The following COX10 variants were observed in gnomAD, a reference collection of about 807,000 sequenced individuals.
COX10 encodes the protein cytochrome c oxidase assembly factor heme A:farnesyltransferase COX10.
In COX10, 27 loss-of-function variants were observed where a neutral mutation model predicts 37.3. That is an observed-to-expected ratio of 0.72 (90% CI 0.53 to 1.00). The LOEUF (loss-of-function observed/expected upper bound fraction) is 1.00, where lower values mean the gene tolerates loss of function less well. Among genes scored for constraint, COX10 ranks in the 50% least tolerant of loss-of-function variants. The pLI is 0.00. For missense variants in COX10, 475 were observed against 563.2 expected (o/e 0.84, Z 1.59); for synonymous variants, 222 against 229.1 (o/e 0.97, Z 0.28).
In COX10 at chr17:14,069,781, A is replaced by G. The variant is rs1597488397; in HGVS notation, c.43+133A>G. The G allele has an allele frequency of 2.9e-6, 3 of 1,052,482 alleles. No individual in the cohort carries two copies. In the South Asian group the frequency reaches 4.0e-5, roughly 14 times the overall value. 65.2% of individuals were successfully genotyped at this position (1,052,482 alleles called of 1,614,324 possible). A position where few individuals can be genotyped will look rare whatever the true frequency, so the allele number is the denominator to read the frequency against. ...TGGCCGGCCACCGGTGTGGTGGGGG[A>G]AATGACCTCTGGAGTAGCTTGGAGT... On this transcript the variant is annotated intron_variant, in intron 1 of 6. Transcript: ENST00000261643.
At chr17:14,090,033 C>T (rs945684389) in intron 3 of COX10, among the ~76,000 whole-genome samples, 3 of 151,946 alleles carry the variant, frequency 2.0e-5, no homozygotes, top group Non-Finnish European at 4.4e-5. Flanking sequence ...TGCTTCTTCT[C>T]TCCTCTGCCT....
At chr17:14,194,328 T>A (rs1906299407) in intron 6 of COX10, among the ~76,000 whole-genome samples, 1 of 152,188 alleles carries the variant, frequency 6.6e-6, no homozygotes, top group African/African-American at 2.4e-5. Flanking sequence ...GAAAAAGAGC[T>A]TTTCAAAAGT....
intron 4 of COX10, among the ~76,000 whole-genome samples, chr17:14,107,464 C>T (rs537424477): frequency 9.2e-5 from 14 of 152,178 alleles, no homozygotes; most frequent in Non-Finnish European, 1.5e-4. Flanking sequence ...TTCAATCTTT[C>T]ACTGTAAATG....
At chr17:14,070,208 A>G (rs535613731) in intron 1 of COX10, among the ~76,000 whole-genome samples, 1 of 152,298 alleles carries the variant, frequency 6.6e-6, no homozygotes, top group African/African-American at 2.4e-5. Flanking sequence ...TGGAGCTGGA[A>G]TGTTCTTCCT....
chr17:14,109,515 T>C (rs964408856), intron 4 of COX10, among the ~76,000 whole-genome samples: 1 of 152,216 alleles, frequency 6.6e-6, no homozygotes, highest in Non-Finnish European at 1.5e-5. Context: ...TGGTCATTAT[T>C]CGCTTCTTAA....
At chr17:14,162,755 T>C (rs1905195783) in intron 5 of COX10, among the ~76,000 whole-genome samples, 1 of 152,186 alleles carries the variant, frequency 6.6e-6, no homozygotes, top group African/African-American at 2.4e-5. Flanking sequence ...TTTGAAGATT[T>C]GGAGGACTTT....
At chr17:14,128,304 T>C (rs1364775343) in intron 4 of COX10, among the ~76,000 whole-genome samples, 4 of 152,124 alleles carry the variant, frequency 2.6e-5, no homozygotes, top group African/African-American at 4.8e-5. Flanking sequence ...TTTTAGTTTG[T>C]CGTATACTTA....
rs1904913569 is a variant in COX10 at position 14,151,951 on chromosome 17, A to G, written c.625-7926A>G. Among the ~76,000 whole-genome samples, 3 of 152,184 alleles carry G rather than the reference A, an allele frequency of 2.0e-5. No individual in the cohort carries two copies. In the South Asian group the frequency reaches 6.2e-4, roughly 32 times the overall value. ...TGATGGTTTATTAAATAAATTATTT[A>G]TTGAGTGCCTATTTGCATGTTACTA... On this transcript the variant is annotated intron_variant, in intron 4 of 6. Coordinates refer to ENST00000261643, the MANE Select transcript of COX10 (RefSeq NM_001303.4).
At chr17:14,180,735 A>G (rs1397810921) in intron 5 of COX10, among the ~76,000 whole-genome samples, 1 of 152,198 alleles carries the variant, frequency 6.6e-6, no homozygotes, top group African/African-American at 2.4e-5. Context: ...ATCTTTTACT[A>G]ATAATCTAGG....
chr17:14,180,202 G>T (rs1905814787), intron 5 of COX10, among the ~76,000 whole-genome samples: 3 of 151,820 alleles, frequency 2.0e-5, no homozygotes, highest in Non-Finnish European at 4.4e-5. Context: ...GAGTTTCTAA[G>T]GGTTGTTATG....
rs1019842240 is a variant in COX10 at position 14,208,240 on chromosome 17, G to A, written c.*1027G>A. ...CTTTAAGAGCCAGAAGCAGGGTTCTGGGAATTTTGCAAGTTATCCTGTGGC... is the reference window on the plus strand; with the variant it reads ...CTTTAAGAGCCAGAAGCAGGGTTCTAGGAATTTTGCAAGTTATCCTGTGGC... On this transcript the variant is annotated 3_prime_UTR_variant, in exon 7 of 7. Coordinates refer to ENST00000261643, the MANE Select transcript of COX10 (RefSeq NM_001303.4). 6.6e-6 allele frequency: 1 copy of A among 152,248 alleles called. No individual in the cohort carries two copies. Among genetic ancestry groups the A allele is most frequent in the African/African-American group, 2.4e-5 (1 of 41,460 alleles). 9.4% of individuals were successfully genotyped at this position (152,248 alleles called of 1,614,324 possible).
chr17:14,140,496 T>G (rs1406787519), intron 4 of COX10, among the ~76,000 whole-genome samples: 1 of 152,098 alleles, frequency 6.6e-6, no homozygotes, highest in African/African-American at 2.4e-5. Flanking sequence ...TCTATTTCTG[T>G]ATGTATTTCC....
intron 5 of COX10, among the ~76,000 whole-genome samples, chr17:14,164,347 T>C (rs1055840310): frequency 1.3e-5 from 2 of 152,370 alleles, no homozygotes; most frequent in African/African-American, 2.4e-5. Flanking sequence ...CTAACTGTTA[T>C]GCCCATGTGA....
At chr17:14,168,475 G>C (rs1219362499) in intron 5 of COX10, among the ~76,000 whole-genome samples, 1 of 152,208 alleles carries the variant, frequency 6.6e-6, no homozygotes, top group African/African-American at 2.4e-5. Flanking sequence ...CTATATGGGG[G>C]CTCCAACCCC....
chr17:14,156,515 A>G (rs1905043870), intron 4 of COX10, among the ~76,000 whole-genome samples: 2 of 152,172 alleles, frequency 1.3e-5, no homozygotes, highest in Admixed American at 1.3e-4. Flanking sequence ...GGCGTGAGCC[A>G]CCGTGCCCGG....
chr17:14,175,593 GC>G (rs1905661635), intron 5 of COX10, among the ~76,000 whole-genome samples: 1 of 151,900 alleles, frequency 6.6e-6, no homozygotes, highest in South Asian at 2.1e-4. Flanking sequence ...TACACTCTGT[GC>G]TAAATGCTGG....
chr17:14,175,098 T>G (rs58306770), intron 5 of COX10, among the ~76,000 whole-genome samples: 1,050 of 15,864 alleles, frequency 0.066, no homozygotes, highest in Non-Finnish European at 0.09. Context: ...GGGGGGGGGG[T>G]GGATAGGAGG....
intron 4 of COX10, among the ~76,000 whole-genome samples, chr17:14,110,576 C>A (rs568477153): frequency 1.3e-5 from 2 of 152,164 alleles, no homozygotes; most frequent in South Asian, 4.2e-4. Flanking sequence ...ACCACCCCCA[C>A]CTAGCAGAGG....
At chr17:14,096,378 C>G (rs76523325) in intron 3 of COX10, among the ~76,000 whole-genome samples, 5 of 88,826 alleles carry the variant, frequency 5.6e-5, no homozygotes, top group East Asian at 3.7e-4. Context: ...TTTTTTTTTT[C>G]TTTTTTTTTT....
Sources: allele counts gnomAD v4.1 joint callset (sites outside exome capture counted in the v4.1 genomes callset), GRCh38; gene constraint gnomAD v4.1.1; transcripts MANE v1.5; gene names NCBI Gene and HGNC (gene_info 2026-07-23, HGNC 2026-07-21).